KLB: variants seen among roughly 807,000 people sequenced by gnomAD.
The protein encoded by KLB is klotho beta, also known as beta-klotho.
A neutral mutation model predicts 88.4 loss-of-function variants in KLB; 44 were observed. That is an observed-to-expected ratio of 0.50 (90% CI 0.39 to 0.64). The LOEUF is 0.64. Among genes scored for constraint, KLB ranks in the 30% least tolerant of loss-of-function variants. The probability of loss-of-function intolerance (pLI) is 0.00; values close to 1 mark genes in which losing one functional copy is unlikely to be tolerated. For synonymous variants in KLB, 548 were observed against 513.4 expected, an observed-to-expected ratio of 1.07 and a Z score of -0.91; for missense variants, 1,137 against 1,304.8, an observed-to-expected ratio of 0.87 and a Z score of 1.98.
chr4:39,421,961 A>C (rs1264189610), intron 1 of KLB, among the ~76,000 whole-genome samples: 7 of 151,938 alleles, frequency 4.6e-5, no homozygotes, highest in African/African-American at 1.7e-4. Context: ...GGCCAGGCTG[A>C]TCTCGAACTC....
intron 1 of KLB, among the ~76,000 whole-genome samples, chr4:39,415,458 C>T (rs568603024): frequency 9.2e-5 from 14 of 152,010 alleles, no homozygotes; most frequent in Non-Finnish European, 2.1e-4. Flanking sequence ...CATGCCTCTG[C>T]ACTCCAGCTT....
intron 1 of KLB, among the ~76,000 whole-genome samples, chr4:39,412,630 T>C (rs1300815803): frequency 6.6e-6 from 1 of 152,184 alleles, no homozygotes; most frequent in Non-Finnish European, 1.5e-5. Context: ...TCCAAGTCAT[T>C]CTTGCCCCTT....
At chr4:39,411,091 T>C (rs1255510210) in intron 1 of KLB, among the ~76,000 whole-genome samples, 6 of 152,198 alleles carry the variant, frequency 3.9e-5, no homozygotes, top group Non-Finnish European at 8.8e-5. Flanking sequence ...TTCGTTCTTG[T>C]TGCCCAGCCT....
rs528567925 is a variant in KLB, at chr4:39,447,033, C to G, written c.2307C>G (p.Ile769Met). ...RAAERFLQFE[I>M]AWFAEPLFKT... ...CCGAGCGCTTCCTGCAGTTCGAGAT[C>G]GCCTGGTTCGCCGAGCCGCTCTTCA... The change falls in exon 4 of 5, where the codon ATC (isoleucine) becomes ATG (methionine). Residue 769 changes from isoleucine to methionine, a missense_variant. Ile to Met is a conservative substitution (Grantham distance 10). Around this residue, in one of 4 missense-constraint regions of KLB, gnomAD observed 426 missense variants for 404.6 expected, o/e 1.05. Transcript: ENST00000257408. 6.2e-7 allele frequency: 1 copy of G among 1,611,628 alleles called. No individual in the cohort carries two copies. The highest frequency in any genetic ancestry group is 2.2e-5 in the East Asian group (1 of 44,884).
At chr4:39,431,588 G>C (rs144101968) in intron 1 of KLB, among the ~76,000 whole-genome samples, 32 of 152,288 alleles carry the variant, frequency 2.1e-4, no homozygotes, top group African/African-American at 7.7e-4. Flanking sequence ...GGAATACCTG[G>C]GTGCTAAATG....
At chr4:39,445,973 T>G (rs938291370) in intron 3 of KLB, among the ~76,000 whole-genome samples, 11 of 145,208 alleles carry the variant, frequency 7.6e-5, no homozygotes, top group African/African-American at 2.7e-4. Flanking sequence ...AACTTTGTCT[T>G]CAATTTATGG....
At chr4:39,432,811 A>G (rs1743391245) in intron 1 of KLB, among the ~76,000 whole-genome samples, 1 of 152,130 alleles carries the variant, frequency 6.6e-6, no homozygotes, top group South Asian at 2.1e-4. Flanking sequence ...AGTACCTCCT[A>G]CGTGCTCTAT....
In KLB at chr4:39,446,573, A is replaced by G; in HGVS notation, c.1847A>G (p.Asn616Ser). 1 of 1,614,204 alleles carries G rather than the reference A, an allele frequency of 6.2e-7. No individual in the cohort carries two copies. Among genetic ancestry groups the G allele is most frequent in the Non-Finnish European group, 8.5e-7 (1 of 1,180,030 alleles). Residue 616 changes from asparagine to serine, a missense_variant, in exon 4 of 5, where the codon AAC becomes AGC. Around this residue, in one of 4 missense-constraint regions of KLB, gnomAD observed 597 missense variants for 765.2 expected, o/e 0.78. Transcript: ENST00000257408. This position sits in a 1 kb window ranked among gnomAD's most constrained non-coding sequence, Gnocchi z 6.4. Reference sequence around the variant, plus strand: ...CCCACTGGCAACCTGTCCGCGGTGAACCGACAGGCCCTGAGGTACTACAGG... The same window carrying G: ...CCCACTGGCAACCTGTCCGCGGTGAGCCGACAGGCCCTGAGGTACTACAGG... ...VLPTGNLSAV[N>S]RQALRYYRCV... is the part of the protein sequence containing the mutation.
chr4:39,423,849 T>A (rs1376064102), intron 1 of KLB, among the ~76,000 whole-genome samples: 2 of 151,558 alleles, frequency 1.3e-5, no homozygotes, highest in African/African-American at 2.4e-5. Flanking sequence ...GATCTTTTTT[T>A]TAAAATAAAA....
chr4:39,422,068 C>T (rs1054959714), intron 1 of KLB, among the ~76,000 whole-genome samples: 1 of 152,152 alleles, frequency 6.6e-6, no homozygotes, highest in Non-Finnish European at 1.5e-5. Context: ...TTCTTAGAGG[C>T]TTTCTCAGTC....
intron 1 of KLB, among the ~76,000 whole-genome samples, chr4:39,415,314 C>T (rs1742943562): frequency 6.6e-6 from 1 of 152,038 alleles, no homozygotes; most frequent in Non-Finnish European, 1.5e-5. Flanking sequence ...CTATTGTTTA[C>T]TAAAATATTT....
At chr4:39,426,023 C>CG (rs1743201865) in intron 1 of KLB, among the ~76,000 whole-genome samples, 1 of 151,932 alleles carries the variant, frequency 6.6e-6, no homozygotes, top group Admixed American at 6.6e-5. Flanking sequence ...GAGGCCGAGG[C>CG]GGGCGGATCA....
chr4:39,444,892 T>C (rs923039806), intron 3 of KLB, among the ~76,000 whole-genome samples: 1 of 152,226 alleles, frequency 6.6e-6, no homozygotes, highest in Non-Finnish European at 1.5e-5. Flanking sequence ...GTAATTAAAC[T>C]ATGAAAGATG....
rs776869464 is a variant in KLB, at chr4:39,447,154, G to A, written c.2428G>A (p.Glu810Lys). The A allele has an allele frequency of 6.2e-7, 1 of 1,613,768 alleles. No individual in the cohort carries two copies. The highest frequency in any genetic ancestry group is 1.7e-5 in the Admixed American group (1 of 60,032). The change falls in exon 4 of 5, where the codon GAA becomes AAA. Residue 810 changes from glutamate (E) to lysine (K), a missense_variant. Glu to Lys is a moderately conservative substitution (Grantham distance 56). Transcript: ENST00000257408. ...SSALPRLTEA[E>K]RRLLKGTVDF... ...GGCCCTGCCGCGCCTCACCGAGGCC[G>A]AAAGGAGGCTGCTCAAGGGCACGGT... is the stretch of plus-strand genomic sequence containing the variant.
intron 1 of KLB, among the ~76,000 whole-genome samples, chr4:39,430,255 G>A (rs1743315416): frequency 6.6e-6 from 1 of 152,062 alleles, no homozygotes; most frequent in Admixed American, 6.6e-5. Context: ...TGCATAGAGA[G>A]GTGCACAATA....
chr4:39,448,642 TTAC>T lies in KLB; in HGVS notation c.3092_3094del (p.Leu1031_Gln1032delinsTer). 6.2e-7 allele frequency: 1 copy of T among 1,613,272 alleles called. No individual in the cohort carries two copies. ...AAGAAAGTTTTGGAAAGCAAAAAAC[TTAC>T]AACACATACCATTAAAGAAAGGCAA... On this transcript the variant is annotated stop_gained and inframe_deletion, in exon 5 of 5. Coordinates refer to ENST00000257408, the MANE Select transcript of KLB (RefSeq NM_175737.4). LOFTEE classifies it high-confidence loss of function.
intron 3 of KLB, among the ~76,000 whole-genome samples, chr4:39,444,769 C>A (rs1250882007): frequency 6.6e-6 from 1 of 152,160 alleles, no homozygotes; most frequent in Non-Finnish European, 1.5e-5. Flanking sequence ...GGATTTTACT[C>A]AAATAATGAA....
chr4:39,418,710 G>T (rs934919858), intron 1 of KLB, among the ~76,000 whole-genome samples: 11 of 151,734 alleles, frequency 7.2e-5, no homozygotes, highest in African/African-American at 2.2e-4. Flanking sequence ...CACTTTGGGA[G>T]ACTGAGGCAG....
At chr4:39,443,510 C>A (rs6816986) in intron 3 of KLB, among the ~76,000 whole-genome samples, 11,016 of 150,474 alleles carry the variant, frequency 0.073, 527 homozygotes, top group Non-Finnish European at 0.11. Flanking sequence ...TTTGGGAGGC[C>A]GAGGCGGGCG....
Sources: allele counts gnomAD v4.1 joint callset (sites outside exome capture counted in the v4.1 genomes callset), GRCh38; gene constraint gnomAD v4.1.1; regional missense constraint gnomAD v4.1.1; non-coding constraint Gnocchi (gnomAD v3.1); transcripts MANE v1.5; gene names NCBI Gene and HGNC (gene_info 2026-07-23, HGNC 2026-07-21).